FER1L5: variants seen among roughly 807,000 people sequenced by gnomAD.
FER1L5 encodes fer-1 like family member 5.
A neutral mutation model predicts 279.9 loss-of-function variants in FER1L5; 187 were observed. That is an observed-to-expected ratio of 0.67 (90% CI 0.59 to 0.75). FER1L5 has a LOEUF of 0.75. Ranked by LOEUF, FER1L5 falls within the 30% of genes least tolerant of loss-of-function variation. FER1L5 has a pLI of 0.00. For missense variants in FER1L5, 2,091 were observed against 2,594.4 expected (o/e 0.81, Z 4.21); for synonymous variants, 921 against 989.7 (o/e 0.93, Z 1.30).
chr2:96,669,210 C>A, intron 17 of FER1L5, 73 bp downstream of exon 17: 1 of 1,418,438 alleles, frequency 7.1e-7, no homozygotes, highest in Admixed American at 2.4e-5. Context: ...GGGCCTGGGA[C>A]GTGCCCCGAG....
chr2:96,685,288 G>T, intron 20 of FER1L5, 41 bp from the exon 21 acceptor site: 1 of 1,533,576 alleles, frequency 6.5e-7, no homozygotes, highest in Non-Finnish European at 8.8e-7. Flanking sequence ...TGGGCTCCAT[G>T]CTGAGGCGGG....
rs1300595367 is a variant in FER1L5 at position 96,691,700 on chromosome 2, G to A, written c.3075+88G>A. 1.9e-6 allele frequency: 3 copies of A among 1,541,624 alleles called. No individual in the cohort carries two copies. The highest frequency in any genetic ancestry group is 2.0e-5 in the Admixed American group (1 of 50,312). ...TGGCCTGGCTGGGGCGCTGACTGCGGAGGAAGGGCCTCTGTTCCTCAGGCT... is the reference window on the plus strand; with the variant it reads ...TGGCCTGGCTGGGGCGCTGACTGCGAAGGAAGGGCCTCTGTTCCTCAGGCT... On this transcript the variant is annotated intron_variant, in intron 29 of 52. Coordinates refer to ENST00000624922, the MANE Select transcript of FER1L5 (RefSeq NM_001293083.2). This position sits in a 1 kb window ranked among gnomAD's most constrained non-coding sequence, Gnocchi z 6.0.
In FER1L5 at chr2:96,691,928, C is replaced by A; in HGVS notation, c.3179C>A (p.Pro1060His). 6.4e-7 allele frequency: 1 copy of A among 1,550,976 alleles called. No individual in the cohort carries two copies. Among genetic ancestry groups the A allele is most frequent in the Non-Finnish European group, 8.7e-7 (1 of 1,146,876 alleles). ...GACCCCCAGAGGCAGGACACCCGGCCCCCCAACTTGCCCTTCATCTACTGC... is the reference window on the plus strand; with the variant it reads ...GACCCCCAGAGGCAGGACACCCGGCACCCCAACTTGCCCTTCATCTACTGC... ...FRDPQRQDTR[P>H]PNLPFIYCTF... Residue 1060 changes from proline to histidine, a missense_variant, in exon 30 of 53, where the codon CCC (proline) becomes CAC (histidine). Pro to His is a moderately conservative substitution (Grantham distance 77, BLOSUM62 -2). Coordinates refer to ENST00000624922, the MANE Select transcript of FER1L5 (RefSeq NM_001293083.2). This position sits in a 1 kb window ranked among gnomAD's most constrained non-coding sequence, Gnocchi z 6.0.
Position 96,702,036 on chromosome 2 carries a change from C to G in FER1L5, c.5152C>G (p.Pro1718Ala). 6.2e-7 allele frequency: 1 copy of G among 1,614,004 alleles called. No homozygotes were observed. Among genetic ancestry groups the G allele is most frequent in the Non-Finnish European group, 8.5e-7 (1 of 1,179,888 alleles). Reference protein sequence around the residue: ...GPQVNINPRKPKRYELRCIIW... With the variant: ...GPQVNINPRKAKRYELRCIIW... Reference sequence around the variant, plus strand: ...CCAAGTCAACATCAACCCCAGAAAGCCTAAACGGTGAGTGACAGCCCACTT... The same window carrying G: ...CCAAGTCAACATCAACCCCAGAAAGGCTAAACGGTGAGTGACAGCCCACTT... Residue 1718 changes from proline to alanine, a missense_variant, in exon 46 of 53, where the codon CCT becomes GCT. Transcript: ENST00000624922. This position sits in a 1 kb window ranked among gnomAD's most constrained non-coding sequence, Gnocchi z 4.0.
At chr2:96,699,466 C>T (rs747340454) in intron 42 of FER1L5, 84 bp from the exon 43 acceptor site, 1 of 1,440,644 alleles carries the variant, frequency 6.9e-7, no homozygotes. Context: ...AAACAAGGGG[C>T]CTACGGGGCC....
intron 9 of FER1L5, among the ~76,000 whole-genome samples, chr2:96,656,116 C>T (rs1167643121): frequency 1.3e-5 from 2 of 152,162 alleles, no homozygotes; most frequent in African/African-American, 2.4e-5. Context: ...CTACACCTAG[C>T]CCCCTTCGCC....
intron 19 of FER1L5, among the ~76,000 whole-genome samples, chr2:96,674,854 C>A (rs889398667): frequency 2.0e-5 from 3 of 152,022 alleles, no homozygotes; most frequent in Non-Finnish European, 2.9e-5. Context: ...CCCATGAACT[C>A]ACCACCCAGC....
Position 96,700,507 on chromosome 2 carries a change from G to T in FER1L5, c.5070+36G>T, listed in dbSNP as rs371959604. The stretch of plus-strand genomic sequence containing the variant: ...GGAGGGGCCACTCCTGGCTCCTACA[G>T]GAGGAGCTAGATCAGGAGACAGAGA... On this transcript the variant is annotated intron_variant, in intron 45 of 52. Transcript: ENST00000624922. 721 of 1,609,994 alleles carry T rather than the reference G, an allele frequency of 4.5e-4. 1 individual carries two copies. Among genetic ancestry groups the T allele is most frequent in the Non-Finnish European group, 3.9e-4 (462 of 1,179,728 alleles).
chr2:96,693,743 G>A (rs2077247752), intron 32 of FER1L5, 56 bp downstream of exon 32: 3 of 1,516,372 alleles, frequency 2.0e-6, no homozygotes, highest in African/African-American at 1.4e-5. Context: ...GAGTGGCTGA[G>A]GGGATTTATT....
chr2:96,662,192 A>C lies in FER1L5; in HGVS notation c.1019-23A>C, dbSNP rs1256683384. Reference sequence around the variant, plus strand: ...CCTGAAAAATGCTGCTGGCTCAGATATCTTTTAACTTGTTGTTCATAGAGA... The same window carrying C: ...CCTGAAAAATGCTGCTGGCTCAGATCTCTTTTAACTTGTTGTTCATAGAGA... On this transcript the variant is annotated intron_variant, in intron 12 of 52. Coordinates refer to ENST00000624922, the MANE Select transcript of FER1L5 (RefSeq NM_001293083.2). 5.2e-6 allele frequency: 8 copies of C among 1,550,958 alleles called. No individual in the cohort carries two copies. In the Admixed American group the frequency reaches 1.6e-4, roughly 30 times the overall value.
In FER1L5 at chr2:96,686,485, C is replaced by A; in HGVS notation, c.2229+135C>A. 2.9e-6 allele frequency: 3 copies of A among 1,027,680 alleles called. No homozygotes were observed. The South Asian group carries it at 5.4e-5, about 18-fold the overall frequency. The allele number at this position is 1,027,680 out of a possible 1,614,324, so 63.7% of individuals were successfully genotyped here. A position where few individuals can be genotyped will look rare whatever the true frequency, so the allele number is the denominator to read the frequency against. Reference sequence around the variant, plus strand: ...CCACATGGAATGGGGTTGAAACAGTCCCCAGAGGAAGAGAGGGGTCTGTGG... The same window carrying A: ...CCACATGGAATGGGGTTGAAACAGTACCCAGAGGAAGAGAGGGGTCTGTGG... On this transcript the variant is annotated intron_variant, in intron 23 of 52. Coordinates refer to ENST00000624922, the MANE Select transcript of FER1L5 (RefSeq NM_001293083.2).
chr2:96,680,752 A>C (rs2076689906), intron 19 of FER1L5, among the ~76,000 whole-genome samples: 1 of 152,246 alleles, frequency 6.6e-6, no homozygotes, highest in Admixed American at 6.5e-5. Flanking sequence ...GTGAATTATC[A>C]CAAAGCAAAC....
chr2:96,690,922 G>A (rs1363675885), intron 27 of FER1L5, among the ~76,000 whole-genome samples: 1 of 152,256 alleles, frequency 6.6e-6, no homozygotes, highest in African/African-American at 2.4e-5. Context: ...CCGGGCTCAA[G>A]ATGCAAGCTT....
Position 96,700,459 on chromosome 2 carries a change from A to G in FER1L5, c.5058A>G (p.Pro1686=), listed in dbSNP as rs1403728145. 1 of 1,613,432 alleles carries G rather than the reference A, an allele frequency of 6.2e-7. No homozygotes were observed. Among genetic ancestry groups the G allele is most frequent in the Non-Finnish European group, 8.5e-7 (1 of 1,179,902 alleles). ...GCACACTGTACAGCCACAGCCAGCC[A>G]GGCATCGACCAGGTATGAGACTGGA... ...ETRTLYSHSQ[P]GIDQGKVQMW... Residue 1686 remains proline, a synonymous_variant, in exon 45 of 53, where the codon CCA becomes CCG. Transcript: ENST00000624922.
chr2:96,691,845 C>A lies in FER1L5; in HGVS notation c.3096C>A (p.His1032Gln). ...EGSLAMDLKY[H>Q]AGKEEDSKTW... ...TACAGGCTATGGATCTGAAATACCA[C>A]GCTGGGAAGGAAGAGGACAGCAAGA... is the stretch of plus-strand genomic sequence containing the variant. The change falls in exon 30 of 53, where the codon CAC becomes CAA. Residue 1032 changes from histidine (H) to glutamine (Q), a missense_variant. His to Gln is a conservative substitution (Grantham distance 24). Transcript: ENST00000624922. The surrounding 1 kb of genome is among the most constrained non-coding windows in gnomAD (Gnocchi z 6.0). 1 of 1,551,592 alleles carries A rather than the reference C, an allele frequency of 6.4e-7. No homozygotes were observed. Among genetic ancestry groups the A allele is most frequent in the Non-Finnish European group, 8.7e-7 (1 of 1,146,978 alleles).
At chr2:96,642,957 GC>G in intron 1 of FER1L5, 36 bp downstream of exon 1, 1 of 1,518,272 alleles carries the variant, frequency 6.6e-7, no homozygotes, top group Non-Finnish European at 8.9e-7. Flanking sequence ...GGAGAGAGAA[GC>G]CCCCAGAGGC....
At chr2:96,658,108 C>T (rs868697102) in intron 9 of FER1L5, among the ~76,000 whole-genome samples, 68 of 152,112 alleles carry the variant, frequency 4.5e-4, no homozygotes, top group African/African-American at 1.5e-3. Context: ...CCTCCCCCTC[C>T]TGGGTTCACA....
chr2:96,690,417 G>A (rs1379690076), intron 26 of FER1L5, 70 bp from the exon 27 acceptor site: 2 of 1,411,794 alleles, frequency 1.4e-6, no homozygotes, highest in Non-Finnish European at 2.0e-6. Context: ...CACAGGTGTG[G>A]GAAGAGGGAG....
In FER1L5 at chr2:96,669,149, A is replaced by T; in HGVS notation, c.1362+12A>T. The T allele has an allele frequency of 1.9e-6, 3 of 1,550,532 alleles. No homozygotes were observed. Among genetic ancestry groups the T allele is most frequent in the Non-Finnish European group, 2.6e-6 (3 of 1,146,448 alleles). Reference sequence around the variant, plus strand: ...AGGAAGAAGGCGCTGTAAGCTTCTCACATCAGCTCTAGGGTACAGTGGAGG... The same window carrying T: ...AGGAAGAAGGCGCTGTAAGCTTCTCTCATCAGCTCTAGGGTACAGTGGAGG... On this transcript the variant is annotated intron_variant, in intron 17 of 52. Transcript: ENST00000624922.
Sources: allele counts gnomAD v4.1 joint callset (sites outside exome capture counted in the v4.1 genomes callset), GRCh38; gene constraint gnomAD v4.1.1; non-coding constraint Gnocchi (gnomAD v3.1); transcripts MANE v1.5; gene names NCBI Gene and HGNC (gene_info 2026-07-23, HGNC 2026-07-21).